FLT3: variants seen among roughly 807,000 people sequenced by gnomAD.
FLT3 encodes the protein fms related receptor tyrosine kinase 3.
Under a neutral mutation model 126.6 loss-of-function variants are expected in FLT3, and 46 were observed. That is an observed-to-expected ratio of 0.36 (90% CI 0.29 to 0.46). FLT3 has a LOEUF of 0.46. Among genes scored for constraint, FLT3 ranks in the 20% least tolerant of loss-of-function variants. The pLI, the probability that FLT3 is intolerant of heterozygous loss-of-function variation, is 1.00. For synonymous variants in FLT3, 404 were observed against 434.4 expected (o/e 0.93, Z 0.87); for missense variants, 1,069 against 1,190.3 (o/e 0.90, Z 1.50).
At chr13:28,086,618 T>C (rs1878687885) in intron 1 of FLT3, among the ~76,000 whole-genome samples, 4 of 123,994 alleles carry the variant, frequency 3.2e-5, no homozygotes, top group Admixed American at 2.5e-4. Context: ...TCTGAAGAAC[T>C]CGTGTGTGTG....
At chr13:28,048,890 T>C (rs1049024535) in intron 8 of FLT3, among the ~76,000 whole-genome samples, 5 of 152,244 alleles carry the variant, frequency 3.3e-5, no homozygotes, top group African/African-American at 1.2e-4. Context: ...GGCTGAACGC[T>C]GTGCCCTAAT....
chr13:28,062,122 TC>T, intron 2 of FLT3, 53 bp from the exon 3 acceptor site: 8 of 1,340,968 alleles, frequency 6.0e-6, no homozygotes, highest in East Asian at 2.3e-5. Context: ...GTCTAAGGCC[TC>T]CCCTTCTTCA....
intron 9 of FLT3, among the ~76,000 whole-genome samples, chr13:28,044,449 C>CAA (rs34061361): frequency 3.9e-5 from 5 of 129,096 alleles, no homozygotes; most frequent in African/African-American, 1.1e-4. Context: ...GACTCTGTCT[C>CAA]AAAAAAAAAA....
intron 9 of FLT3, among the ~76,000 whole-genome samples, chr13:28,044,658 T>G (rs189986017): frequency 2.0e-5 from 3 of 152,154 alleles, no homozygotes; most frequent in Non-Finnish European, 4.4e-5. Flanking sequence ...CATCTTTCCT[T>G]TGCTGTGTGT....
At chr13:28,034,941 T>C (rs1245109805) in intron 12 of FLT3, among the ~76,000 whole-genome samples, 2 of 56,440 alleles carry the variant, frequency 3.5e-5, no homozygotes, top group Admixed American at 3.1e-4. Context: ...CGAGTCTCCA[T>C]CTCAAAAAAA....
At chr13:28,057,837 CG>C (rs1319850475) in intron 3 of FLT3, among the ~76,000 whole-genome samples, 3 of 152,022 alleles carry the variant, frequency 2.0e-5, no homozygotes, top group African/African-American at 7.2e-5. Flanking sequence ...GTCAGGAGTT[CG>C]AGACCAGCCT....
intron 8 of FLT3, among the ~76,000 whole-genome samples, chr13:28,048,755 G>C (rs1875133939): frequency 6.6e-6 from 1 of 152,208 alleles, no homozygotes; most frequent in Admixed American, 6.5e-5. Context: ...ATGAGAGAGA[G>C]TAAAATAAAC....
chr13:28,067,943 G>C, intron 2 of FLT3: 1 of 356,554 alleles, frequency 2.8e-6, no homozygotes, highest in South Asian at 2.9e-5. Flanking sequence ...GGTCATGATT[G>C]TCAAACACAT....
At chr13:28,012,180 AG>A (rs1871448775) in intron 23 of FLT3, among the ~76,000 whole-genome samples, 1 of 152,172 alleles carries the variant, frequency 6.6e-6, no homozygotes, top group South Asian at 2.1e-4. Flanking sequence ...CAGGGAACAG[AG>A]TGGAAGGAAC....
rs778614556 is a variant in FLT3, at chr13:28,014,500, A to C, written c.2811T>G (p.Pro937=). The C allele has an allele frequency of 6.2e-7, 1 of 1,614,114 alleles. No individual in the cohort carries two copies. Among genetic ancestry groups the C allele is most frequent in the Non-Finnish European group, 8.5e-7 (1 of 1,179,952 alleles). The change falls in exon 23 of 24, where the codon CCT becomes CCG. Residue 937 remains proline (P), a synonymous_variant. Transcript: ENST00000241453. ...AFDSRKRPSF[P]NLTSFLGCQL... ...GACATCCTAAAAACGAAGTCAAATT[A>C]GGGAAGGATGGCCGTTTCCTTGAGT...
Position 28,064,110 on chromosome 13 carries a change from C to CA in FLT3, c.166-2042dup, listed in dbSNP as rs1320505995. 3.3e-5 allele frequency among the ~76,000 whole-genome samples: 5 copies of CA among 151,880 alleles called. No homozygotes were observed. In the East Asian group the frequency reaches 5.8e-4, roughly 18 times the overall value. On this transcript the variant is annotated intron_variant, in intron 2 of 23. Coordinates refer to ENST00000241453, the MANE Select transcript of FLT3 (RefSeq NM_004119.3). Reference sequence around the variant, plus strand: ...AACATAGCAAGACCCCGTCCCAAAACAAAAAAACCCAGCTGACATACTAGA... The same window carrying CA: ...AACATAGCAAGACCCCGTCCCAAAACAAAAAAAACCCAGCTGACATACTAGA...
chr13:28,086,891 C>A (rs1878710936), intron 1 of FLT3, among the ~76,000 whole-genome samples: 1 of 152,000 alleles, frequency 6.6e-6, no homozygotes, highest in Non-Finnish European at 1.5e-5. Flanking sequence ...AAGGGATCTG[C>A]CCACCTTGGC....
At chr13:28,093,665 A>G (rs1879271895) in intron 1 of FLT3, among the ~76,000 whole-genome samples, 2 of 152,104 alleles carry the variant, frequency 1.3e-5, no homozygotes, top group South Asian at 2.1e-4. Context: ...GACAAGTCTT[A>G]CTTCTCTTCC....
chr13:28,026,674 A>C (rs1310713726), intron 17 of FLT3, among the ~76,000 whole-genome samples: 1 of 152,152 alleles, frequency 6.6e-6, no homozygotes, highest in Non-Finnish European at 1.5e-5. Context: ...CTTAGAATCC[A>C]ATTTGAGTTC....
At chr13:28,091,185 T>C (rs180757645) in intron 1 of FLT3, among the ~76,000 whole-genome samples, 34 of 149,326 alleles carry the variant, frequency 2.3e-4, no homozygotes, top group Middle Eastern at 3.5e-3. Flanking sequence ...GCAACTCATT[T>C]ATCCTCTTTG....
chr13:28,070,796 A>C (rs979713576), intron 1 of FLT3, among the ~76,000 whole-genome samples, 184 bp from the exon 2 acceptor site: 1 of 152,192 alleles, frequency 6.6e-6, no homozygotes, highest in African/African-American at 2.4e-5. Context: ...AGAGATACTT[A>C]GAGCAGGGCT....
chr13:28,035,489 T>C lies in FLT3; in HGVS notation c.1597+6A>G. On this transcript the variant is annotated splice_donor_region_variant and intron_variant, in intron 12 of 23. Transcript: ENST00000241453. ...TGGTGGAATATCACAAGAACAACTGTTGTACCTGGAGAGTTTAAAAGGATC... is the reference window on the plus strand; with the variant it reads ...TGGTGGAATATCACAAGAACAACTGCTGTACCTGGAGAGTTTAAAAGGATC... 1.2e-6 allele frequency: 2 copies of C among 1,610,046 alleles called. No individual in the cohort carries two copies. Among genetic ancestry groups the C allele is most frequent in the Non-Finnish European group, 1.7e-6 (2 of 1,178,556 alleles).
chr13:28,014,705 G>A, intron 22 of FLT3, 148 bp from the exon 23 acceptor site: 1 of 600,596 alleles, frequency 1.7e-6, no homozygotes, highest in Non-Finnish European at 2.9e-6. Flanking sequence ...ACCAGATTTT[G>A]AATTCATATC....
chr13:28,025,580 G>A (rs1464545234), intron 17 of FLT3, among the ~76,000 whole-genome samples: 1 of 152,158 alleles, frequency 6.6e-6, no homozygotes, highest in Non-Finnish European at 1.5e-5. Flanking sequence ...ATGGCTTCAT[G>A]CTTTCAGACC....
Sources: gnomAD v4.1 joint callset for allele counts (sites outside exome capture counted in the v4.1 genomes callset) on GRCh38, gnomAD v4.1.1 for gene constraint, MANE v1.5 for transcripts, NCBI Gene and HGNC (gene_info 2026-07-23, HGNC 2026-07-21) for gene names.